CIP2A: variants seen among roughly 807,000 people sequenced by gnomAD.
The protein encoded by CIP2A is cellular inhibitor of PP2A, also known as protein CIP2A.
Under a neutral mutation model 110.9 loss-of-function variants are expected in CIP2A, and 103 were observed. That is an observed-to-expected ratio of 0.93 (90% CI 0.79 to 1.09). The LOEUF (loss-of-function observed/expected upper bound fraction) is 1.09. Among genes scored for constraint, CIP2A ranks in the 50% least tolerant of loss-of-function variants. The pLI is 0.00. For synonymous variants in CIP2A, 381 were observed against 361.6 expected (o/e 1.05, Z -0.61); for missense variants, 1,088 against 1,038.4 (o/e 1.05, Z -0.66).
At chr3:108,555,421 T>C (rs993812829) in intron 17 of CIP2A, among the ~76,000 whole-genome samples, 1 of 152,162 alleles carries the variant, frequency 6.6e-6, no homozygotes, top group Non-Finnish European at 1.5e-5. Flanking sequence ...TAAATCAAAG[T>C]TAACAAACTT....
At chr3:108,552,816 G>C (rs78820388) in intron 19 of CIP2A, among the ~76,000 whole-genome samples, 9,734 of 152,112 alleles carry the variant, frequency 0.064, 455 homozygotes, top group South Asian at 0.11. Context: ...GTGATTTAAC[G>C]AAGGAACAGA....
intron 7 of CIP2A, among the ~76,000 whole-genome samples, chr3:108,577,578 A>G (rs1356816939): frequency 7.9e-5 from 12 of 152,168 alleles, no homozygotes. Flanking sequence ...CATCTTCTGC[A>G]TAAAAGGTAG....
chr3:108,565,237 T>A, intron 12 of CIP2A, 118 bp downstream of exon 12: 1 of 576,926 alleles, frequency 1.7e-6, no homozygotes. Flanking sequence ...TTAAACTTTC[T>A]TCTCATTGCC....
intron 14 of CIP2A, among the ~76,000 whole-genome samples, chr3:108,560,247 C>T (rs1322512649): frequency 6.6e-6 from 1 of 151,902 alleles, no homozygotes; most frequent in Non-Finnish European, 1.5e-5. Context: ...TCTTGGCTCA[C>T]TGCAACCTCT....
At chr3:108,579,051 T>C (rs1026027960) in intron 7 of CIP2A, among the ~76,000 whole-genome samples, 10 of 152,122 alleles carry the variant, frequency 6.6e-5, no homozygotes, top group African/African-American at 1.7e-4. Context: ...CACAACCCTA[T>C]TGATCTAAAG....
In CIP2A at chr3:108,583,026, A is replaced by G. The variant is rs747973429; in HGVS notation, c.308T>C (p.Leu103Pro). 2 of 1,609,840 alleles carry G rather than the reference A, an allele frequency of 1.2e-6. No individual in the cohort carries two copies. Among genetic ancestry groups the G allele is most frequent in the Non-Finnish European group, 1.7e-6 (2 of 1,177,996 alleles). ...LQNTYNLNSV[L>P]AGVVCRSSHT... ...GCTGCTCCGACAAACCACTCCCGCC[A>G]GCACACTATTCAGATTATATGTATT... Residue 103 changes from leucine to proline, a missense_variant, in exon 3 of 21, where the codon CTG becomes CCG. Transcript: ENST00000295746.
Position 108,565,382 on chromosome 3 carries a change from C to A in CIP2A, c.1488G>T (p.Met496Ile). 6.3e-7 allele frequency: 1 copy of A among 1,594,030 alleles called. No homozygotes were observed. ...INKLKPLVPG[M>I]EVSFYKILQD... The stretch of plus-strand genomic sequence containing the variant: ...GAAGTATTTTGTAGAAGCTTACTTC[C>A]ATACCAGGAACCAATGGTTTAAGTT... Residue 496 changes from methionine (M) to isoleucine (I), a missense_variant, in exon 12 of 21, where the codon ATG becomes ATT. Met to Ile is a conservative substitution (Grantham distance 10). Transcript: ENST00000295746.
chr3:108,565,390 G>A lies in CIP2A; in HGVS notation c.1480C>T (p.Pro494Ser). The A allele has an allele frequency of 6.3e-7, 1 of 1,599,304 alleles. No individual in the cohort carries two copies. The highest frequency in any genetic ancestry group is 8.5e-7 in the Non-Finnish European group (1 of 1,171,806). ...TTGTAGAAGCTTACTTCCATACCAG[G>A]AACCAATGGTTTAAGTTTGTTAATC... ...DLINKLKPLV[P>S]GMEVSFYKIL... is the part of the protein sequence containing the mutation. The change falls in exon 12 of 21, where the codon CCT becomes TCT. Residue 494 changes from proline (P) to serine (S), a missense_variant. Transcript: ENST00000295746.
intron 11 of CIP2A, among the ~76,000 whole-genome samples, chr3:108,566,223 AG>A (rs1328294633): frequency 3.3e-5 from 5 of 151,800 alleles, no homozygotes; most frequent in African/African-American, 1.2e-4. Context: ...AAGGAGCTCC[AG>A]AAATGTTCAG....
chr3:108,575,584 G>A (rs1938576179), intron 8 of CIP2A, among the ~76,000 whole-genome samples: 1 of 147,810 alleles, frequency 6.8e-6, no homozygotes, highest in African/African-American at 2.6e-5. Flanking sequence ...TCATATACAT[G>A]TGTATATATA....
In CIP2A at chr3:108,589,436, T is replaced by A; in HGVS notation, c.-61A>T. ...GCCCAGCGTGCGCCGGCCTTTAGCT[T>A]TCGCCGCGCTTTTTTTGATTTTCGG... is the stretch of plus-strand genomic sequence containing the variant. On this transcript the variant is annotated 5_prime_UTR_variant, in exon 1 of 21. Transcript: ENST00000295746. The A allele has an allele frequency of 8.0e-7, 1 of 1,247,408 alleles. No homozygotes were observed. Among genetic ancestry groups the A allele is most frequent in the Non-Finnish European group, 1.1e-6 (1 of 875,944 alleles). 77.3% of individuals were successfully genotyped at this position (1,247,408 alleles called of 1,614,324 possible). A position where few individuals can be genotyped will look rare whatever the true frequency, so the allele number is the denominator to read the frequency against.
At chr3:108,575,450 A>C (rs1424716050) in intron 8 of CIP2A, among the ~76,000 whole-genome samples, 1 of 150,156 alleles carries the variant, frequency 6.7e-6, no homozygotes, top group Non-Finnish European at 1.5e-5. Flanking sequence ...ATATATACAT[A>C]TACATGTATA....
intron 19 of CIP2A, among the ~76,000 whole-genome samples, chr3:108,552,705 A>G (rs1937623397): frequency 1.3e-5 from 2 of 152,176 alleles, no homozygotes; most frequent in African/African-American, 4.8e-5. Flanking sequence ...TTTCAAATAT[A>G]CCATTAAGAA....
intron 8 of CIP2A, among the ~76,000 whole-genome samples, chr3:108,571,641 A>G (rs895380462): frequency 2.6e-5 from 4 of 152,168 alleles, no homozygotes; most frequent in African/African-American, 9.6e-5. Context: ...AAAACTAATT[A>G]CTAGTGCAGA....
intron 7 of CIP2A, among the ~76,000 whole-genome samples, chr3:108,577,441 C>T (rs945847908): frequency 1.3e-5 from 2 of 152,018 alleles, no homozygotes; most frequent in African/African-American, 2.4e-5. Flanking sequence ...ATGAGTGAAA[C>T]TGGATGAAAC....
At chr3:108,562,972 AG>A (rs113892735) in intron 13 of CIP2A, 153 bp downstream of exon 13, 16 of 639,784 alleles carry the variant, frequency 2.5e-5, no homozygotes, top group African/African-American at 2.0e-4. Context: ...TTCATTTATA[AG>A]AATCAAACAT....
At chr3:108,585,876 C>A in intron 1 of CIP2A, 1 of 429,660 alleles carries the variant, frequency 2.3e-6, no homozygotes, top group Non-Finnish European at 4.7e-6. Flanking sequence ...AATCTATAAG[C>A]CACATACACG....
chr3:108,589,207 C>T, intron 1 of CIP2A, 67 bp downstream of exon 1: 5 of 1,202,992 alleles, frequency 4.2e-6, no homozygotes, highest in African/African-American at 1.5e-5. Context: ...CGCCACTCCT[C>T]GGCCTCACTG....
intron 1 of CIP2A, among the ~76,000 whole-genome samples, chr3:108,586,942 C>T (rs1939062382): frequency 6.6e-6 from 1 of 152,286 alleles, no homozygotes; most frequent in South Asian, 2.1e-4. Flanking sequence ...TCTTTGCATA[C>T]TCAGATCTCG....
Sources: allele counts gnomAD v4.1 joint callset (sites outside exome capture counted in the v4.1 genomes callset), GRCh38; gene constraint gnomAD v4.1.1; transcripts MANE v1.5; gene names NCBI Gene and HGNC (gene_info 2026-07-23, HGNC 2026-07-21).